UIMC1: variants seen among roughly 807,000 people sequenced by gnomAD.
UIMC1 encodes the protein BRCA1-A complex subunit RAP80.
Under a neutral mutation model 84.9 loss-of-function variants are expected in UIMC1, and 42 were observed. The ratio of observed to expected loss-of-function variants is 0.49; its 90% CI spans 0.39 to 0.64. The LOEUF (loss-of-function observed/expected upper bound fraction) is 0.64, where lower values mean the gene tolerates loss of function less well. UIMC1 is among the 30% of genes least tolerant of loss of function. The pLI, the probability that UIMC1 is intolerant of heterozygous loss-of-function variation, is 0.00. For missense variants in UIMC1, 825 were observed against 847.6 expected (o/e 0.97, Z 0.33); for synonymous variants, 281 against 293.0 (o/e 0.96, Z 0.42).
intron 1 of UIMC1, among the ~76,000 whole-genome samples, chr5:176,992,123 A>C (rs1416702175): frequency 6.6e-6 from 1 of 151,760 alleles, no homozygotes; most frequent in African/African-American, 2.4e-5. Flanking sequence ...ACCTCATCTC[A>C]AAAGAAGAGA....
At chr5:176,990,075 G>T (rs2149519861) in intron 1 of UIMC1, among the ~76,000 whole-genome samples, 1 of 152,132 alleles carries the variant, frequency 6.6e-6, no homozygotes, top group Admixed American at 6.6e-5. Flanking sequence ...CAGCTACTCG[G>T]GAGGCTGAGG....
At chr5:176,906,212 C>A in intron 13 of UIMC1, 165 bp from the exon 14 acceptor site, 1 of 602,674 alleles carries the variant, frequency 1.7e-6, no homozygotes, top group East Asian at 2.8e-5. Context: ...GCATTAGTGT[C>A]CAACAGACTC....
At chr5:176,933,250 C>T (rs1239121994) in intron 10 of UIMC1, among the ~76,000 whole-genome samples, 1 of 152,144 alleles carries the variant, frequency 6.6e-6, no homozygotes, top group African/African-American at 2.4e-5. Flanking sequence ...AGGCAAACTT[C>T]AGAGAATTCT....
At chr5:176,909,909 G>C (rs537322838) in intron 11 of UIMC1, among the ~76,000 whole-genome samples, 1 of 152,212 alleles carries the variant, frequency 6.6e-6, no homozygotes, top group South Asian at 2.1e-4. Context: ...TTTCTCTTTA[G>C]TTTCCTTACT....
At position 176,908,514 on chromosome 5, in the gene UIMC1, T is replaced by C. The variant is rs1759698774; in HGVS notation, c.1848+9A>G. The C allele has an allele frequency of 6.2e-7, 1 of 1,611,802 alleles. No individual in the cohort carries two copies. The highest frequency in any genetic ancestry group is 8.5e-7 in the Non-Finnish European group (1 of 1,179,150). Reference sequence around the variant, plus strand: ...TTAGGTGGCCTTTCCCAAAACACTCTACACATACCTTTGGGTTCTTCAGCC... The same window carrying C: ...TTAGGTGGCCTTTCCCAAAACACTCCACACATACCTTTGGGTTCTTCAGCC... On this transcript the variant is annotated intron_variant, in intron 12 of 14. Coordinates refer to ENST00000511320, the MANE Select transcript of UIMC1 (RefSeq NM_001199298.2).
At chr5:176,912,758 C>G (rs1353127344) in intron 10 of UIMC1, among the ~76,000 whole-genome samples, 1 of 152,000 alleles carries the variant, frequency 6.6e-6, no homozygotes, top group Non-Finnish European at 1.5e-5. Flanking sequence ...CTCCGCCTCC[C>G]GAGTTCAAGT....
At chr5:177,005,211 C>A (rs1306540537) in intron 1 of UIMC1, among the ~76,000 whole-genome samples, 1 of 152,006 alleles carries the variant, frequency 6.6e-6, no homozygotes, top group Non-Finnish European at 1.5e-5. Flanking sequence ...GTAGCTGAGA[C>A]TATAGGCAGG....
chr5:176,923,108 A>G (rs1020286453), intron 10 of UIMC1, among the ~76,000 whole-genome samples: 3 of 152,186 alleles, frequency 2.0e-5, no homozygotes, highest in Admixed American at 2.0e-4. Flanking sequence ...TTAGGGTTGT[A>G]AAGATTTCTA....
intron 1 of UIMC1, among the ~76,000 whole-genome samples, chr5:177,019,722 A>G (rs985188849): frequency 2.0e-5 from 3 of 152,030 alleles, no homozygotes; most frequent in Admixed American, 6.6e-5. Context: ...ACCTGAGGCC[A>G]GGAGTTCAAG....
intron 8 of UIMC1, among the ~76,000 whole-genome samples, chr5:176,952,144 C>G (rs1227185598): frequency 6.6e-6 from 1 of 152,148 alleles, no homozygotes; most frequent in East Asian, 1.9e-4. Context: ...TATTCATTGA[C>G]CAACTGATCA....
upstream of UIMC1, chr5:177,006,801 T>C (rs1775352402): frequency 6.6e-6 from 1 of 152,096 alleles, no homozygotes; most frequent in South Asian, 2.1e-4. Context: ...GCGCGGAGAC[T>C]TAACCAACCC....
chr5:177,008,852 A>G (rs180956445), upstream of UIMC1, among the ~76,000 whole-genome samples: 3 of 152,274 alleles, frequency 2.0e-5, no homozygotes, highest in East Asian at 3.9e-4. Flanking sequence ...CAAGTTCTCA[A>G]TTTGCTCACT....
chr5:176,968,455 A>T, intron 6 of UIMC1, 100 bp downstream of exon 6: 1 of 1,458,094 alleles, frequency 6.9e-7, no homozygotes, highest in Non-Finnish European at 9.2e-7. Context: ...GTATTACTTT[A>T]ATAATCAAGG....
intron 1 of UIMC1, among the ~76,000 whole-genome samples, chr5:176,990,812 T>C (rs1772725434): frequency 6.6e-6 from 1 of 151,880 alleles, no homozygotes; most frequent in Non-Finnish European, 1.5e-5. Flanking sequence ...TAGGTAGGAC[T>C]ACAAGAGTAC....
intron 10 of UIMC1, among the ~76,000 whole-genome samples, chr5:176,926,614 G>C (rs1313067858): frequency 1.3e-5 from 2 of 151,744 alleles, no homozygotes; most frequent in Non-Finnish European, 2.9e-5. Context: ...TTCAGCCTGG[G>C]TGACAAAGCA....
intron 7 of UIMC1, among the ~76,000 whole-genome samples, chr5:176,957,489 C>T (rs191831022): frequency 7.2e-5 from 11 of 152,230 alleles, no homozygotes; most frequent in Admixed American, 1.3e-4. Flanking sequence ...AATCAATCAG[C>T]AAGAACAATG....
intron 13 of UIMC1, among the ~76,000 whole-genome samples, chr5:176,906,746 T>C (rs1317769466): frequency 6.6e-6 from 1 of 152,214 alleles, no homozygotes; most frequent in African/African-American, 2.4e-5. Flanking sequence ...AGGTAACATA[T>C]GAATGATGCA....
chr5:177,016,015 C>T (rs1275601907), intron 1 of UIMC1, among the ~76,000 whole-genome samples: 9 of 151,730 alleles, frequency 5.9e-5, no homozygotes, highest in Non-Finnish European at 1.5e-5. Context: ...TGCAGTGAGC[C>T]GAGACCACGC....
At chr5:176,946,084 C>T (rs912651324) in intron 9 of UIMC1, among the ~76,000 whole-genome samples, 2 of 152,188 alleles carry the variant, frequency 1.3e-5, no homozygotes, top group Non-Finnish European at 1.5e-5. Flanking sequence ...CCTACCCCTG[C>T]CCTCACTAAA....
Sources: allele counts gnomAD v4.1 joint callset (sites outside exome capture counted in the v4.1 genomes callset), GRCh38; gene constraint gnomAD v4.1.1; transcripts MANE v1.5; gene names NCBI Gene and HGNC (gene_info 2026-07-23, HGNC 2026-07-21).